The following CERKL variants were observed in gnomAD, a reference collection of about 807,000 sequenced individuals.
CERKL encodes the protein CERK like autophagy regulator.
A neutral mutation model predicts 63.4 loss-of-function variants in CERKL; 61 were observed. The observed-to-expected ratio is 0.96, with a 90% CI of 0.78 to 1.19. CERKL has a LOEUF of 1.19. CERKL is among the 50% of genes most tolerant of loss of function. CERKL has a pLI of 0.00. For missense variants in CERKL, 675 were observed against 655.5 expected (o/e 1.03, Z -0.33); for synonymous variants, 250 against 230.5 (o/e 1.08, Z -0.77).
intron 1 of CERKL, among the ~76,000 whole-genome samples, chr2:181,616,506 C>T (rs912299745): frequency 9.9e-5 from 15 of 152,056 alleles, no homozygotes; most frequent in Non-Finnish European, 1.0e-4. Flanking sequence ...GCCACCGCAC[C>T]CAGCCTAAAT....
intron 1 of CERKL, among the ~76,000 whole-genome samples, chr2:181,604,303 T>G (rs1318623384): frequency 6.6e-6 from 1 of 151,998 alleles, no homozygotes; most frequent in African/African-American, 2.4e-5. Context: ...CCCCAGAACC[T>G]AAAAGTTAAA....
chr2:181,547,527 G>T (rs1687778062), intron 10 of CERKL, 91 bp downstream of exon 10: 7 of 972,450 alleles, frequency 7.2e-6, no homozygotes, highest in Non-Finnish European at 1.1e-5. Flanking sequence ...TACCTGTTAA[G>T]TTTCTAGCTA....
At chr2:181,616,206 ATTTTTTTT>A (rs35040208) in intron 1 of CERKL, among the ~76,000 whole-genome samples, 3 of 110,074 alleles carry the variant, frequency 2.7e-5, no homozygotes, top group Admixed American at 9.9e-5. Context: ...AAAAATCTAA[ATTTTTTTT>A]TTTTTTTTTT....
intron 4 of CERKL, among the ~76,000 whole-genome samples, chr2:181,561,891 G>A (rs181638692): frequency 3.0e-4 from 45 of 152,150 alleles, no homozygotes; most frequent in African/African-American, 1.0e-3. Context: ...TCAGCTCACT[G>A]CAACCTCTCC....
intron 1 of CERKL, among the ~76,000 whole-genome samples, chr2:181,647,571 A>G (rs1254032958): frequency 6.6e-6 from 1 of 152,092 alleles, no homozygotes; most frequent in Non-Finnish European, 1.5e-5. Context: ...CCCAAACCAA[A>G]GCCAATGTAC....
intron 2 of CERKL, among the ~76,000 whole-genome samples, chr2:181,599,022 T>C (rs73037317): frequency 0.18 from 27,620 of 152,098 alleles, 4,015 homozygotes; most frequent in African/African-American, 0.4. Context: ...ACTAGCTCTA[T>C]AGCAATGGAT....
chr2:181,603,699 C>CT (rs1369774962), intron 2 of CERKL, 138 bp downstream of exon 2: 1 of 907,492 alleles, frequency 1.1e-6, no homozygotes, highest in African/African-American at 1.6e-5. Context: ...AATTTCAACA[C>CT]TTTCTCACGA....
rs138382640 is a variant in CERKL at position 181,612,485 on chromosome 2, T to C, written c.239-8406A>G. ...AAGTTTTGCCTTTTCTAGAACTTCA[T>C]ATAAATGTAACCATAAAGTATGTGC... On this transcript the variant is annotated intron_variant, in intron 1 of 12. Transcript: ENST00000410087. 8.5e-5 allele frequency among the ~76,000 whole-genome samples: 13 copies of C among 152,312 alleles called. No individual in the cohort carries two copies. In the East Asian group the frequency reaches 2.3e-3, roughly 27 times the overall value.
chr2:181,635,426 G>T (rs141852865), intron 1 of CERKL, among the ~76,000 whole-genome samples: 1,706 of 152,080 alleles, frequency 0.011, 38 homozygotes, highest in African/African-American at 0.039. Context: ...ATTTTACTGT[G>T]TCTAAATATC....
Position 181,558,783 on chromosome 2 carries a change from A to C in CERKL, c.678-75T>G. On this transcript the variant is annotated intron_variant, in intron 4 of 12. Coordinates refer to ENST00000410087, the MANE Select transcript of CERKL (RefSeq NM_201548.5). The surrounding 1 kb of genome is among the most constrained non-coding windows in gnomAD (Gnocchi z 4.2). The stretch of plus-strand genomic sequence containing the variant: ...TAATAAGTCATGAAATCTAGACTTC[A>C]AAATAGTTTACTAATTTGTAGTCTA... 6.8e-7 allele frequency: 1 copy of C among 1,473,154 alleles called. No homozygotes were observed. Among genetic ancestry groups the C allele is most frequent in the Non-Finnish European group, 9.5e-7 (1 of 1,057,684 alleles). 91.3% of individuals were successfully genotyped at this position (1,473,154 alleles called of 1,614,324 possible). A position where few individuals can be genotyped will look rare whatever the true frequency, so the allele number is the denominator to read the frequency against.
At chr2:181,604,220 C>T in intron 1 of CERKL, 141 bp from the exon 2 acceptor site, 3 of 641,924 alleles carry the variant, frequency 4.7e-6, no homozygotes, top group Non-Finnish European at 8.0e-6. Flanking sequence ...GGCTTAATAC[C>T]TGGGTGATGA....
At chr2:181,573,623 G>T (rs1475447961) in intron 3 of CERKL, 130 bp downstream of exon 3, 3 of 620,876 alleles carry the variant, frequency 4.8e-6, no homozygotes, top group Non-Finnish European at 8.2e-6. Flanking sequence ...GGCTGCAGTA[G>T]GTTATGAAGA....
rs552106975 is a variant in CERKL, at chr2:181,606,764, T to C, written c.239-2685A>G. Among the ~76,000 whole-genome samples, 23 of 152,264 alleles carry C rather than the reference T, an allele frequency of 1.5e-4. No individual in the cohort carries two copies. In the South Asian group the frequency reaches 4.6e-3, roughly 30 times the overall value. ...CCCTCAAAGTATCAATTCAACAGGC[T>C]CTTTTTCCTTCAGGTATCAGAAAAT... On this transcript the variant is annotated intron_variant, in intron 1 of 12. Coordinates refer to ENST00000410087, the MANE Select transcript of CERKL (RefSeq NM_201548.5).
intron 2 of CERKL, among the ~76,000 whole-genome samples, chr2:181,592,585 C>A (rs1020996234): frequency 6.6e-6 from 1 of 152,138 alleles, no homozygotes; most frequent in Admixed American, 6.6e-5. Flanking sequence ...AACTAATATG[C>A]TTCACTGGAT....
chr2:181,567,200 TAC>T (rs1256196213), intron 3 of CERKL, among the ~76,000 whole-genome samples: 6 of 152,090 alleles, frequency 3.9e-5, no homozygotes, highest in Non-Finnish European at 8.8e-5. Context: ...ATAATAAAAC[TAC>T]ATATGAAACA....
At chr2:181,634,302 CA>C (rs1559116597) in intron 1 of CERKL, among the ~76,000 whole-genome samples, 1 of 151,950 alleles carries the variant, frequency 6.6e-6, no homozygotes, top group African/African-American at 2.4e-5. Context: ...GTCATTTGTA[CA>C]AAAACATAAG....
At chr2:181,561,075 A>G (rs760282512) in intron 4 of CERKL, among the ~76,000 whole-genome samples, 21 of 152,156 alleles carry the variant, frequency 1.4e-4, no homozygotes, top group Non-Finnish European at 2.6e-4. Context: ...ATGCCTCCTT[A>G]TACCCTCTTG....
rs780888620 is a variant in CERKL, at chr2:181,536,837, TG to T, written c.*1346del. ...TGCAGAATATCATTTTATCTGACTCTGCCTTCATAAGAGAGCTGTGGCCGAA... is the reference window on the plus strand; with the variant it reads ...TGCAGAATATCATTTTATCTGACTCTCCTTCATAAGAGAGCTGTGGCCGAA... On this transcript the variant is annotated 3_prime_UTR_variant, in exon 13 of 13. Transcript: ENST00000410087. 15 of 378,498 alleles carry T rather than the reference TG, an allele frequency of 4.0e-5. No homozygotes were observed. The highest frequency in any genetic ancestry group is 5.8e-5 in the Non-Finnish European group (11 of 189,426). 23.4% of individuals were successfully genotyped at this position (378,498 alleles called of 1,614,324 possible).
At chr2:181,615,288 A>C (rs540132045) in intron 1 of CERKL, among the ~76,000 whole-genome samples, 5 of 152,246 alleles carry the variant, frequency 3.3e-5, no homozygotes, top group Non-Finnish European at 4.4e-5. Context: ...TAGGTTACTT[A>C]CGGTGGTTAA....
Sources: gnomAD v4.1 joint callset for allele counts (sites outside exome capture counted in the v4.1 genomes callset) on GRCh38, gnomAD v4.1.1 for gene constraint, Gnocchi (gnomAD v3.1) non-coding constraint, MANE v1.5 for transcripts, NCBI Gene and HGNC (gene_info 2026-07-23, HGNC 2026-07-21) for gene names.